TTC7A: variants seen among roughly 807,000 people sequenced by gnomAD.
The protein encoded by TTC7A is tetratricopeptide repeat protein 7A.
A neutral mutation model predicts 103.7 loss-of-function variants in TTC7A; 110 were observed. The observed-to-expected ratio is 1.06, with a 90% CI of 0.91 to 1.24. The LOEUF (loss-of-function observed/expected upper bound fraction) is 1.24, where lower values mean the gene tolerates loss of function less well. TTC7A is among the 50% of genes most tolerant of loss of function. The probability of loss-of-function intolerance (pLI) is 0.00; values close to 1 mark genes in which losing one functional copy is unlikely to be tolerated. For synonymous variants in TTC7A, 521 were observed against 467.9 expected (o/e 1.11, Z -1.47); for missense variants, 1,340 against 1,116.3 (o/e 1.20, Z -2.86).
At position 46,995,526 on chromosome 2, in the gene TTC7A, G is replaced by A. The variant is rs114374526; in HGVS notation, c.1065+327G>A. On this transcript the variant is annotated intron_variant, in intron 8 of 19. Transcript: ENST00000319190. ...TAAAATGTTACATAGCTGTGTGTTG[G>A]GTGCTGTGACAGATTTGAGAACATG... 8.8e-3 allele frequency among the ~76,000 whole-genome samples: 1,342 copies of A among 152,310 alleles called. 22 individuals carry two copies. Among genetic ancestry groups the A allele is most frequent in the African/African-American group, 0.031 (1,282 of 41,554 alleles).
intron 12 of TTC7A, among the ~76,000 whole-genome samples, chr2:47,022,630 T>C (rs1558589662): frequency 6.6e-6 from 1 of 151,782 alleles, no homozygotes; most frequent in East Asian, 1.9e-4. Flanking sequence ...AAACCTGGAA[T>C]AGTAATCAGC....
intron 15 of TTC7A, among the ~76,000 whole-genome samples, chr2:47,041,806 G>T (rs1430112270): frequency 6.6e-6 from 1 of 151,850 alleles, no homozygotes; most frequent in Admixed American, 6.6e-5. Flanking sequence ...TTAAGCCTAG[G>T]TGGCAAAAAA....
At chr2:46,972,918 G>A (rs140683284) in intron 3 of TTC7A, among the ~76,000 whole-genome samples, 13 of 152,314 alleles carry the variant, frequency 8.5e-5, no homozygotes, top group African/African-American at 2.9e-4. Flanking sequence ...AGAAAGTGGT[G>A]AGCACCAGGA....
intron 16 of TTC7A, chr2:47,047,323 A>G: frequency 1.3e-6 from 2 of 1,547,994 alleles, no homozygotes; most frequent in Non-Finnish European, 1.7e-6. Flanking sequence ...GTAACAGTGA[A>G]ATTTACAGAG....
At chr2:46,948,279 G>A (rs970174090) in intron 1 of TTC7A, among the ~76,000 whole-genome samples, 5 of 152,212 alleles carry the variant, frequency 3.3e-5, no homozygotes, top group Non-Finnish European at 7.3e-5. Context: ...CAGGTTAGAA[G>A]CAGGGAGCAA....
chr2:47,023,371 A>AT, intron 12 of TTC7A, 37 bp from the exon 13 acceptor site: 1 of 1,612,002 alleles, frequency 6.2e-7, no homozygotes, highest in Non-Finnish European at 8.5e-7. Flanking sequence ...CCCTTCAGTG[A>AT]CCCCTGATGG....
chr2:47,012,330 G>A (rs990287426), intron 11 of TTC7A, among the ~76,000 whole-genome samples: 2 of 152,190 alleles, frequency 1.3e-5, no homozygotes, highest in Admixed American at 6.5e-5. Flanking sequence ...CAGAGCAAGC[G>A]CATTCTCCCT....
intron 11 of TTC7A, among the ~76,000 whole-genome samples, chr2:47,013,897 C>T (rs1210077842): frequency 6.6e-6 from 1 of 152,188 alleles, no homozygotes; most frequent in Admixed American, 6.5e-5. Context: ...GGGTTTAAAT[C>T]AGGCACAGGC....
At chr2:46,942,568 C>T (rs1339919012) in intron 1 of TTC7A, among the ~76,000 whole-genome samples, 1 of 152,210 alleles carries the variant, frequency 6.6e-6, no homozygotes, top group African/African-American at 2.4e-5. Flanking sequence ...TCAACGCTTA[C>T]TTCGTGCTTC....
At chr2:46,974,820 C>T in intron 3 of TTC7A, 153 bp from the exon 4 acceptor site, 1 of 1,078,194 alleles carries the variant, frequency 9.3e-7, no homozygotes, top group Non-Finnish European at 1.3e-6. Flanking sequence ...ACCGTCGCTT[C>T]AGCTTCCTCC....
chr2:46,963,495 G>A (rs761220559), intron 3 of TTC7A, among the ~76,000 whole-genome samples: 1 of 152,106 alleles, frequency 6.6e-6, no homozygotes, highest in Non-Finnish European at 1.5e-5. Flanking sequence ...GCTTGGAGAT[G>A]GCAAAGTCCT....
chr2:47,026,204 C>G (rs75463672), intron 14 of TTC7A, among the ~76,000 whole-genome samples: 1 of 152,192 alleles, frequency 6.6e-6, no homozygotes, highest in South Asian at 2.1e-4. Context: ...GCCAGCCCAT[C>G]CTGCCAAGAG....
At chr2:47,055,147 C>T (rs1558634881) in intron 18 of TTC7A, among the ~76,000 whole-genome samples, 1 of 152,188 alleles carries the variant, frequency 6.6e-6, no homozygotes, top group East Asian at 1.9e-4. Flanking sequence ...AATCAGCATC[C>T]CCCCGCCAAA....
At chr2:46,979,542 CG>C (rs1431902434) in intron 5 of TTC7A, among the ~76,000 whole-genome samples, 1 of 152,140 alleles carries the variant, frequency 6.6e-6, no homozygotes, top group Non-Finnish European at 1.5e-5. Flanking sequence ...GAATGCCTTC[CG>C]TAGGCTTTTG....
At chr2:46,919,529 G>A (rs2084192) in intron 2 of TTC7A, among the ~76,000 whole-genome samples, 8,253 of 152,284 alleles carry the variant, frequency 0.054, 361 homozygotes, top group African/African-American at 0.11. Context: ...GCTAAACTCT[G>A]TCTCTAAATA....
intron 1 of TTC7A, among the ~76,000 whole-genome samples, chr2:46,945,837 C>T (rs963340112): frequency 3.3e-5 from 5 of 152,180 alleles, no homozygotes; most frequent in Admixed American, 1.3e-4. Flanking sequence ...TAGTTTCAGC[C>T]TTTTCCTCTT....
At chr2:46,951,463 A>G (rs1280469335) in intron 2 of TTC7A, 2 of 422,512 alleles carry the variant, frequency 4.7e-6, no homozygotes, top group Admixed American at 2.5e-5. Context: ...TGTCATTAGA[A>G]ACTCAAAAGA....
intron 19 of TTC7A, among the ~76,000 whole-genome samples, chr2:47,064,188 A>G (rs981666320): frequency 1.3e-5 from 2 of 152,360 alleles, no homozygotes; most frequent in East Asian, 3.9e-4. Flanking sequence ...AAGTTTGTCC[A>G]TCAGGCTCTG....
intron 19 of TTC7A, among the ~76,000 whole-genome samples, chr2:47,066,808 A>C (rs923215725): frequency 6.6e-6 from 1 of 152,214 alleles, no homozygotes; most frequent in African/African-American, 2.4e-5. Context: ...CTTCCGCCTC[A>C]GCCTCCAAAA....
Sources: allele counts gnomAD v4.1 joint callset (sites outside exome capture counted in the v4.1 genomes callset), GRCh38; gene constraint gnomAD v4.1.1; transcripts MANE v1.5; gene names NCBI Gene and HGNC (gene_info 2026-07-23, HGNC 2026-07-21).